The following SAMMSON variants were observed in gnomAD, a reference collection of about 807,000 sequenced individuals.
The protein encoded by SAMMSON is long intergenic non-protein coding RNA 1212.
At chr3:70,121,714 G>A (rs538744832) in intron 4 of SAMMSON, among the ~76,000 whole-genome samples, 11 of 152,278 alleles carry the variant, frequency 7.2e-5, no homozygotes, top group Middle Eastern at 3.4e-3. Context: ...AATTTCCTGA[G>A]CGTCCACTGT....
chr3:70,214,111 T>C (rs1402646366), intron 4 of SAMMSON, among the ~76,000 whole-genome samples: 1 of 152,130 alleles, frequency 6.6e-6, no homozygotes, highest in Admixed American at 6.6e-5. Flanking sequence ...TAAGTAACTA[T>C]GGAGTATTCA....
chr3:70,425,652 A>G (rs958505769), intron 2 of SAMMSON, among the ~76,000 whole-genome samples: 1 of 151,766 alleles, frequency 6.6e-6, no homozygotes. Context: ...TGACCTCATG[A>G]TCCGCCCGCC....
intron 7 of SAMMSON, among the ~76,000 whole-genome samples, chr3:70,307,507 C>G (rs1359494626): frequency 6.6e-6 from 1 of 152,078 alleles, no homozygotes; most frequent in Non-Finnish European, 1.5e-5. Context: ...TGTAATTTCC[C>G]CCCCCAATTT....
chr3:70,249,285 T>C (rs1481224822), intron 5 of SAMMSON: 1 of 152,182 alleles, frequency 6.6e-6, no homozygotes, highest in Non-Finnish European at 1.5e-5. Flanking sequence ...ATTCACAATT[T>C]ATGTAGTGCC....
At chr3:70,006,371 G>A (rs150021122) in intron 1 of SAMMSON, among the ~76,000 whole-genome samples, 3 of 152,140 alleles carry the variant, frequency 2.0e-5, no homozygotes, top group Non-Finnish European at 4.4e-5. Flanking sequence ...TGTGTATTAA[G>A]GGCCCGCCCT....
intron 6 of SAMMSON, among the ~76,000 whole-genome samples, chr3:70,280,335 T>A (rs778444625): frequency 6.6e-6 from 1 of 152,156 alleles, no homozygotes; most frequent in African/African-American, 2.4e-5. Context: ...ACGAAGACCC[T>A]TTTTCCTTAA....
At chr3:70,337,143 T>C (rs1368838132) in intron 7 of SAMMSON, among the ~76,000 whole-genome samples, 3 of 50,606 alleles carry the variant, frequency 5.9e-5, no homozygotes, top group Non-Finnish European at 1.4e-4. Context: ...AACTTAATAT[T>C]ATTATTAATA....
rs184465832 is a variant in SAMMSON at position 70,048,087 on chromosome 3, T to A, written n.418-23389T>A. 5.4e-4 allele frequency among the ~76,000 whole-genome samples: 82 copies of A among 152,018 alleles called. 1 individual carries two copies. Among genetic ancestry groups the A allele is most frequent in the Non-Finnish European group, 1.8e-4 (12 of 67,946 alleles). On this transcript the variant is annotated intron_variant and non_coding_transcript_variant, in intron 3 of 9. Transcript: ENST00000642114. ...TTAAAAGACACATTTTGGTTAAGAG[T>A]TTAGACTCTGGATTTATTCATTCAT... is the stretch of plus-strand genomic sequence containing the variant.
intron 3 of SAMMSON, among the ~76,000 whole-genome samples, chr3:70,040,896 T>G (rs2067103964): frequency 6.6e-6 from 1 of 151,898 alleles, no homozygotes; most frequent in Non-Finnish European, 1.5e-5. Context: ...CACCTCTGAG[T>G]TTTCATAGAT....
chr3:70,314,224 T>G (rs966742976), intron 7 of SAMMSON, among the ~76,000 whole-genome samples: 1 of 152,172 alleles, frequency 6.6e-6, no homozygotes, highest in Non-Finnish European at 1.5e-5. Context: ...ATTTTATGCA[T>G]CTGTCTCAGT....
intron 6 of SAMMSON, among the ~76,000 whole-genome samples, chr3:70,260,465 C>T (rs1371349406): frequency 6.6e-6 from 1 of 151,998 alleles, no homozygotes; most frequent in Non-Finnish European, 1.5e-5. Flanking sequence ...TTTTTTACAT[C>T]CCCTCAGTTC....
chr3:70,102,293 A>G (rs372829904), intron 4 of SAMMSON, among the ~76,000 whole-genome samples: 32 of 152,344 alleles, frequency 2.1e-4, no homozygotes, highest in East Asian at 1.7e-3. Flanking sequence ...CAGATGAAAT[A>G]TAACAAAGCC....
At chr3:70,341,340 C>T (rs150410193) in intron 7 of SAMMSON, among the ~76,000 whole-genome samples, 267 of 152,100 alleles carry the variant, frequency 1.8e-3, no homozygotes, top group African/African-American at 6.1e-3. Flanking sequence ...TTTTTTTTGG[C>T]CTGCTTTAAA....
intron 4 of SAMMSON, among the ~76,000 whole-genome samples, chr3:70,156,403 TCA>T (rs2067592150): frequency 6.6e-6 from 1 of 152,054 alleles, no homozygotes; most frequent in Non-Finnish European, 1.5e-5. Flanking sequence ...CCAGGGTCAG[TCA>T]CACACACAGT....
chr3:70,134,121 A>T (rs1193086172), intron 4 of SAMMSON, among the ~76,000 whole-genome samples: 1 of 150,364 alleles, frequency 6.7e-6, no homozygotes, highest in East Asian at 1.9e-4. Flanking sequence ...TTAGCTGGGC[A>T]TGGTGGCAGG....
At chr3:70,062,517 GCA>G (rs1302950424) in intron 3 of SAMMSON, among the ~76,000 whole-genome samples, 3 of 152,184 alleles carry the variant, frequency 2.0e-5, no homozygotes, top group Non-Finnish European at 2.9e-5. Flanking sequence ...ACAGTAGCAG[GCA>G]CATAGTGGAT....
intron 4 of SAMMSON, among the ~76,000 whole-genome samples, chr3:70,181,210 G>A (rs1165765797): frequency 6.6e-6 from 1 of 152,180 alleles, no homozygotes; most frequent in African/African-American, 2.4e-5. Context: ...CGTGAAACAT[G>A]TCCACAGAAA....
intron 3 of SAMMSON, chr3:70,030,483 C>G (rs2067060146): frequency 6.6e-6 from 1 of 152,184 alleles, no homozygotes. Context: ...CTGTTGAGTC[C>G]TGACCATATG....
chr3:70,279,688 G>A (rs1702062236), intron 6 of SAMMSON, among the ~76,000 whole-genome samples: 1 of 152,164 alleles, frequency 6.6e-6, no homozygotes. Context: ...ATTTACAGAT[G>A]CAAACACACA....
Sources: allele counts gnomAD v4.1 joint callset (sites outside exome capture counted in the v4.1 genomes callset), GRCh38; gene constraint gnomAD v4.1.1; transcripts MANE v1.5; gene names NCBI Gene and HGNC (gene_info 2026-07-23, HGNC 2026-07-21).